RIMS2: variants seen among roughly 807,000 people sequenced by gnomAD.
The protein encoded by RIMS2 is regulating synaptic membrane exocytosis 2.
A neutral mutation model predicts 174.4 loss-of-function variants in RIMS2; 59 were observed. The ratio of observed to expected loss-of-function variants is 0.34; its 90% CI spans 0.27 to 0.42. The LOEUF is 0.42. RIMS2 is among the 10% of genes least tolerant of loss of function. The pLI is 1.00. For synonymous variants in RIMS2, 606 were observed against 572.5 expected (o/e 1.06, Z -0.84); for missense variants, 1,620 against 1,666.3 (o/e 0.97, Z 0.48).
intron 1 of RIMS2, among the ~76,000 whole-genome samples, chr8:103,563,719 CT>C (rs1203956881): frequency 3.3e-5 from 5 of 152,186 alleles, no homozygotes; most frequent in Admixed American, 1.3e-4. Flanking sequence ...CATTTTCACG[CT>C]GGTATTAAAG....
At chr8:103,990,343 A>G (rs773452491) in intron 17 of RIMS2, among the ~76,000 whole-genome samples, 6 of 152,094 alleles carry the variant, frequency 3.9e-5, no homozygotes, top group Non-Finnish European at 8.8e-5. Context: ...CCAGAACTAA[A>G]GAGGGGATAT....
intron 19 of RIMS2, among the ~76,000 whole-genome samples, chr8:104,166,635 A>T (rs2098799761): frequency 6.6e-6 from 1 of 152,102 alleles, no homozygotes; most frequent in African/African-American, 2.4e-5. Flanking sequence ...CTTAGAGCAT[A>T]CTCAAGGAAC....
At position 103,806,586 on chromosome 8, in the gene RIMS2, G is replaced by T. The variant is rs546322780; in HGVS notation, c.698+40049G>T. On this transcript the variant is annotated intron_variant, in intron 3 of 23. Transcript: ENST00000504942. ...AAATGTGATAAGATACTATTGTAGG[G>T]TTTAAACATGGAAGGAGCATGATAT... Among the ~76,000 whole-genome samples the T allele has an allele frequency of 6.4e-4, 98 of 152,056 alleles. 1 individual carries two copies. The highest frequency in any genetic ancestry group is 2.3e-3 in the African/African-American group (97 of 41,526).
intron 3 of RIMS2, among the ~76,000 whole-genome samples, chr8:103,789,235 GT>G (rs2098473645): frequency 6.6e-6 from 1 of 152,034 alleles, no homozygotes; most frequent in Admixed American, 6.5e-5. Context: ...CGTCTTTTGT[GT>G]CGCTCTCGCT....
Position 103,912,970 on chromosome 8 carries a change from G to GTTTTTTTTTTTTTTTTTTT in RIMS2, c.1812+800_1812+818dup, listed in dbSNP as rs1272975359. 2.6e-5 allele frequency among the ~76,000 whole-genome samples: 3 copies of GTTTTTTTTTTTTTTTTTTT among 114,906 alleles called. 1 individual carries two copies. The highest frequency in any genetic ancestry group is 3.5e-5 in the Non-Finnish European group (2 of 56,534). 75.4% of individuals were successfully genotyped at this position (114,906 alleles called of 152,430 possible). A position where few individuals can be genotyped will look rare whatever the true frequency, so the allele number is the denominator to read the frequency against. On this transcript the variant is annotated intron_variant, in intron 6 of 23. Transcript: ENST00000504942. ...CTGTCTCTAGCAAACTTTTTTTGTT[G>GTTTTTTTTTTTTTTTTTTT]TTTTTTTTTTTTTTTTTTTTGAGAT...
chr8:104,173,959 T>TTATG (rs1416634994), intron 19 of RIMS2, among the ~76,000 whole-genome samples: 4 of 150,164 alleles, frequency 2.7e-5, no homozygotes, highest in Non-Finnish European at 5.9e-5. Flanking sequence ...ATTTATTTAT[T>TTATG]TATGTAGAGA....
At chr8:103,549,348 G>T (rs1035785560) in intron 1 of RIMS2, among the ~76,000 whole-genome samples, 43 of 152,128 alleles carry the variant, frequency 2.8e-4, no homozygotes, top group African/African-American at 1.0e-3. Flanking sequence ...TTTCAACCCA[G>T]AATTTCATAT....
chr8:104,111,735 A>G (rs1436526134), intron 19 of RIMS2, among the ~76,000 whole-genome samples: 2 of 152,068 alleles, frequency 1.3e-5, no homozygotes, highest in East Asian at 3.9e-4. Flanking sequence ...GTCTTTTTCT[A>G]TGCTTCCAAC....
intron 19 of RIMS2, among the ~76,000 whole-genome samples, chr8:104,225,886 C>T (rs532120652): frequency 2.6e-5 from 4 of 152,278 alleles, no homozygotes; most frequent in African/African-American, 7.2e-5. Flanking sequence ...TTTACAGCCA[C>T]GAGTAGAAAT....
intron 1 of RIMS2, among the ~76,000 whole-genome samples, chr8:103,611,079 C>T (rs530326372): frequency 6.6e-6 from 1 of 152,034 alleles, no homozygotes; most frequent in Non-Finnish European, 1.5e-5. Context: ...GGAATTTATT[C>T]ATTTCTTCTA....
chr8:103,568,583 C>A (rs2092564493), intron 1 of RIMS2: 11 of 516,266 alleles, frequency 2.1e-5, no homozygotes, highest in Non-Finnish European at 3.7e-6. Context: ...GGTACTACTT[C>A]TTGTCTTCAG....
intron 19 of RIMS2, among the ~76,000 whole-genome samples, chr8:104,213,891 G>A (rs200106882): frequency 4.7e-4 from 52 of 109,954 alleles, no homozygotes; most frequent in African/African-American, 1.6e-3. Flanking sequence ...AAAAAAAAAA[G>A]AAGAAGAAGA....
rs553128965 is a variant in RIMS2 at position 104,018,508 on chromosome 8, C to G, written c.3334+3893C>G. Among the ~76,000 whole-genome samples, 77 of 152,186 alleles carry G rather than the reference C, an allele frequency of 5.1e-4. 1 individual carries two copies. The South Asian group carries it at 0.016, about 31-fold the overall frequency. Reference sequence around the variant, plus strand: ...TTTACCCAACTGGCTAAATATTTTCCCTGATGTTTAAATCAAACTAGAATT... The same window carrying G: ...TTTACCCAACTGGCTAAATATTTTCGCTGATGTTTAAATCAAACTAGAATT... On this transcript the variant is annotated intron_variant, in intron 19 of 23. Coordinates refer to ENST00000504942, the Ensembl canonical transcript of RIMS2.
At chr8:104,063,990 G>A (rs1276733626) in intron 19 of RIMS2, among the ~76,000 whole-genome samples, 2 of 152,110 alleles carry the variant, frequency 1.3e-5, no homozygotes, top group Admixed American at 6.6e-5. Flanking sequence ...GATGATCTTT[G>A]TAGTACATGC....
intron 16 of RIMS2, among the ~76,000 whole-genome samples, chr8:103,987,210 T>G (rs1042769417): frequency 7.2e-5 from 11 of 152,134 alleles, no homozygotes; most frequent in African/African-American, 2.7e-4. Flanking sequence ...CAGGCTAGAC[T>G]CGAACTCCTG....
chr8:103,741,684 CT>C (rs1205519601), intron 2 of RIMS2, among the ~76,000 whole-genome samples: 1 of 152,048 alleles, frequency 6.6e-6, no homozygotes, highest in African/African-American at 2.4e-5. Flanking sequence ...TTGGAAAATG[CT>C]CATTTTAGCG....
intron 1 of RIMS2, among the ~76,000 whole-genome samples, chr8:103,606,423 A>G (rs552948416): frequency 6.6e-5 from 10 of 152,082 alleles, no homozygotes; most frequent in Admixed American, 1.3e-4. Flanking sequence ...ACTTCCAAGT[A>G]TGTGGTCAAT....
intron 1 of RIMS2, among the ~76,000 whole-genome samples, chr8:103,614,481 G>A (rs2095460633): frequency 1.3e-5 from 2 of 152,246 alleles, no homozygotes; most frequent in African/African-American, 4.8e-5. Flanking sequence ...ATGATTCAAA[G>A]TTAAAGCCAG....
chr8:104,239,504 C>T (rs2099275619), intron 19 of RIMS2, among the ~76,000 whole-genome samples: 1 of 151,870 alleles, frequency 6.6e-6, no homozygotes, highest in Non-Finnish European at 1.5e-5. Flanking sequence ...TTTTTGATGT[C>T]TCAATACACA....
Sources: gnomAD v4.1 joint callset for allele counts (sites outside exome capture counted in the v4.1 genomes callset) on GRCh38, gnomAD v4.1.1 for gene constraint, MANE v1.5 for transcripts, NCBI Gene and HGNC (gene_info 2026-07-23, HGNC 2026-07-21) for gene names.